TPH1: variants seen among roughly 807,000 people sequenced by gnomAD.
The protein encoded by TPH1 is tryptophan hydroxylase 1.
Under a neutral mutation model 49.5 loss-of-function variants are expected in TPH1, and 37 were observed. The ratio of observed to expected loss-of-function variants is 0.75; its 90% confidence interval spans 0.58 to 0.98. The LOEUF is 0.98. TPH1 is among the 50% of genes least tolerant of loss of function. TPH1 has a pLI of 0.00. For synonymous variants in TPH1, 160 were observed against 182.1 expected (o/e 0.88, Z 0.98); for missense variants, 487 against 523.6 (o/e 0.93, Z 0.68).
rs368358256 is a variant in TPH1, at chr11:18,029,081, C to CAAAAAA, written c.667+78_667+83dup. On this transcript the variant is annotated intron_variant, in intron 6 of 10. Coordinates refer to ENST00000682019, the MANE Select transcript of TPH1 (RefSeq NM_004179.3). ...GGCAACAGAAAGAGAGACTCTGTCT[C>CAAAAAA]AAAAAAAAAAAAAAAAAAAAAATGC... 1,163 of 539,222 alleles carry CAAAAAA rather than the reference C, an allele frequency of 2.2e-3. 9 individuals are homozygous for CAAAAAA. Among genetic ancestry groups the CAAAAAA allele is most frequent in the African/African-American group, 4.1e-3 (133 of 32,568 alleles). The allele number at this position is 539,222 out of a possible 1,614,324, so 33.4% of individuals were successfully genotyped here. A position where few individuals can be genotyped will look rare whatever the true frequency, so the allele number is the denominator to read the frequency against.
Position 18,029,316 on chromosome 11 carries a change from C to T in TPH1, c.516G>A (p.Lys172=). 1 of 1,614,064 alleles carries T rather than the reference C, an allele frequency of 6.2e-7. No individual in the cohort carries two copies. Among genetic ancestry groups the T allele is most frequent in the Non-Finnish European group, 8.5e-7 (1 of 1,180,002 alleles). Residue 172 remains lysine, a synonymous_variant, in exon 6 of 11, where the codon AAG becomes AAA. Coordinates refer to ENST00000682019, the MANE Select transcript of TPH1 (RefSeq NM_004179.3). ...PKVEFTEEEI[K]TWGTVFQELN... ...GCTCTTGGAATACGGTTCCCCAGGT[C>T]TTAATCTCCTCTTCAGTGAATTCAA...
Position 18,033,269 on chromosome 11 carries a change from C to G in TPH1, c.402+5G>C. ...CTTGCTCTTAAAAAAAAAGAAAATA[C>G]TTACAGGATGGTCTGCATCTAGTTC... On this transcript the variant is annotated splice_donor_5th_base_variant and intron_variant, in intron 4 of 10. Transcript: ENST00000682019. 2 of 1,609,570 alleles carry G rather than the reference C, an allele frequency of 1.2e-6. No individual in the cohort carries two copies. Among genetic ancestry groups the G allele is most frequent in the South Asian group, 2.2e-5 (2 of 90,998 alleles).
intron 1 of TPH1, among the ~76,000 whole-genome samples, chr11:18,045,097 T>C (rs1848129658): frequency 6.6e-6 from 1 of 152,216 alleles, no homozygotes; most frequent in South Asian, 2.1e-4. Context: ...GTAAAACAAG[T>C]GTAATTTATA....
chr11:18,042,441 T>A, intron 1 of TPH1: 1 of 415,844 alleles, frequency 2.4e-6, no homozygotes. Flanking sequence ...AGCGTGAAAA[T>A]GTAAACAATA....
chr11:18,040,669 T>C lies in TPH1; in HGVS notation c.94A>G (p.Ile32Val), dbSNP rs141116226. 2.1e-5 allele frequency: 34 copies of C among 1,612,230 alleles called. No individual in the cohort carries two copies. The highest frequency in any genetic ancestry group is 3.3e-4 in the Middle Eastern group (2 of 5,998). Residue 32 changes from isoleucine to valine, a missense_variant, in exon 2 of 11, where the codon ATA becomes GTA. By Grantham distance (29) the Ile-to-Val change is conservative. Coordinates refer to ENST00000682019, the MANE Select transcript of TPH1 (RefSeq NM_004179.3). ...FSLKNEVGGL[I>V]KALKIFQEKH... The stretch of plus-strand genomic sequence containing the variant: ...ACCTGAAAGATTTTCAGGGCTTTTA[T>C]AAGTCCTCCAACTTCATTCTTTAAG...
chr11:18,044,508 A>G (rs531370374), intron 1 of TPH1, among the ~76,000 whole-genome samples: 1 of 152,114 alleles, frequency 6.6e-6, no homozygotes, highest in East Asian at 1.9e-4. Context: ...AAGAAACTAG[A>G]AAACTAGAAG....
At chr11:18,026,425 T>C (rs756553810) in intron 7 of TPH1, 65 bp downstream of exon 7, 16 of 781,718 alleles carry the variant, frequency 2.0e-5, no homozygotes, top group East Asian at 3.2e-5. Flanking sequence ...AAAGAACCCA[T>C]AAGGTAGATG....
rs1236372229 is a variant in TPH1, at chr11:18,018,970, GCTAT to G, written c.*2017_*2020del. The G allele has an allele frequency of 6.6e-6, 1 of 150,616 alleles. No individual in the cohort carries two copies. Among genetic ancestry groups the G allele is most frequent in the Non-Finnish European group, 1.5e-5 (1 of 67,772 alleles). The allele number at this position is 150,616 out of a possible 1,614,324, so 9.3% of individuals were successfully genotyped here. ...TTTTTTTCTACATGTTCTAAGATTT[GCTAT>G]CTATTATGATTTGCTTACAGTAGAT... On this transcript the variant is annotated 3_prime_UTR_variant, in exon 11 of 11. Coordinates refer to ENST00000682019, the MANE Select transcript of TPH1 (RefSeq NM_004179.3).
In TPH1 at chr11:18,023,651, G is replaced by A. The variant is rs555473321; in HGVS notation, c.1026+237C>T. On this transcript the variant is annotated intron_variant, in intron 9 of 10. Transcript: ENST00000682019. ...AAGTAGCTTGCTGTTCCCCATAAAT[G>A]CCCTTATAAAATTCTTATTTTATCT... 8.6e-5 allele frequency among the ~76,000 whole-genome samples: 13 copies of A among 151,814 alleles called. No individual in the cohort carries two copies. The South Asian group carries it at 1.7e-3, about 19-fold the overall frequency.
At chr11:18,039,201 AATAGT>A (rs1263254592) in intron 2 of TPH1, among the ~76,000 whole-genome samples, 2 of 152,236 alleles carry the variant, frequency 1.3e-5, no homozygotes, top group Non-Finnish European at 2.9e-5. Flanking sequence ...ACAGCTATAT[AATAGT>A]ATGTCATATG....
intron 2 of TPH1, among the ~76,000 whole-genome samples, chr11:18,037,509 G>A (rs1848058333): frequency 6.6e-6 from 1 of 152,046 alleles, no homozygotes; most frequent in South Asian, 2.1e-4. Context: ...AAAATATATT[G>A]GGATTGATCA....
Position 18,019,302 on chromosome 11 carries a change from T to C in TPH1, c.*1689A>G, listed in dbSNP as rs1854332177. The C allele has an allele frequency of 6.1e-6, 1 of 163,070 alleles. No individual in the cohort carries two copies. The highest frequency in any genetic ancestry group is 2.4e-5 in the African/African-American group (1 of 41,546). 10.1% of individuals were successfully genotyped at this position (163,070 alleles called of 1,614,324 possible). On this transcript the variant is annotated 3_prime_UTR_variant, in exon 11 of 11. Coordinates refer to ENST00000682019, the MANE Select transcript of TPH1 (RefSeq NM_004179.3). ...ATTTATGTGAAGAAAAAGCCTATTT[T>C]TAAGTAGCTGACTAAACCTAAAAAT...
chr11:18,023,774 T>G, intron 9 of TPH1, 114 bp downstream of exon 9: 1 of 738,350 alleles, frequency 1.4e-6, no homozygotes, highest in Non-Finnish European at 2.4e-6. Flanking sequence ...TAATGATTAG[T>G]GACATCCCCA....
At chr11:18,024,194 C>A (rs78726333) in intron 8 of TPH1, among the ~76,000 whole-genome samples, 21 of 152,218 alleles carry the variant, frequency 1.4e-4, no homozygotes, top group African/African-American at 4.6e-4. Flanking sequence ...AATTAGAGGA[C>A]CCCAAAGCTT....
At position 18,029,491 on chromosome 11, in the gene TPH1, TA is replaced by T. The variant is rs754045465; in HGVS notation, c.470+20del. Reference sequence around the variant, plus strand: ...TATTTTATTATCTCAAAGTTGACTATATTTTTTTAAATATACTTACTGTTTA... The same window carrying T: ...TATTTTATTATCTCAAAGTTGACTATTTTTTTTAAATATACTTACTGTTTA... On this transcript the variant is annotated intron_variant, in intron 5 of 10. Transcript: ENST00000682019. 3 of 1,596,366 alleles carry T rather than the reference TA, an allele frequency of 1.9e-6. No individual in the cohort carries two copies. The highest frequency in any genetic ancestry group is 2.2e-5 in the East Asian group (1 of 44,760).
intron 6 of TPH1, 86 bp downstream of exon 6, chr11:18,029,079 C>T (rs1303876000): frequency 9.8e-6 from 6 of 615,038 alleles, no homozygotes; most frequent in African/African-American, 3.2e-5. Flanking sequence ...GAGACTCTGT[C>T]TCAAAAAAAA....
intron 2 of TPH1, among the ~76,000 whole-genome samples, 199 bp from the exon 3 acceptor site, chr11:18,036,341 C>T (rs970083953): frequency 2.6e-5 from 4 of 152,188 alleles, no homozygotes; most frequent in Non-Finnish European, 5.9e-5. Context: ...CAAAATTCAT[C>T]CCATCCTCCA....
chr11:18,032,732 G>C (rs1040130797), intron 4 of TPH1, among the ~76,000 whole-genome samples: 2 of 151,234 alleles, frequency 1.3e-5, no homozygotes, highest in Non-Finnish European at 2.9e-5. Flanking sequence ...ATTTTTAGTA[G>C]AGACGGGGTC....
chr11:18,018,624 C>T lies in TPH1; in HGVS notation c.*2367G>A, dbSNP rs927843438. ...GAGCTTGCAGTGAGCCAAGATCGCA[C>T]CACTGCACTCCAGCCTGGGCGACAG... On this transcript the variant is annotated 3_prime_UTR_variant, in exon 11 of 11. Transcript: ENST00000682019. 7.6e-6 allele frequency: 1 copy of T among 131,202 alleles called. No individual in the cohort carries two copies. The highest frequency in any genetic ancestry group is 2.9e-5 in the African/African-American group (1 of 34,714). 8.1% of individuals were successfully genotyped at this position (131,202 alleles called of 1,614,324 possible).
Sources: allele counts gnomAD v4.1 joint callset (sites outside exome capture counted in the v4.1 genomes callset), GRCh38; gene constraint gnomAD v4.1.1; transcripts MANE v1.5; gene names NCBI Gene and HGNC (gene_info 2026-07-23, HGNC 2026-07-21).